The following EIF2S2 variants were observed in gnomAD, a reference collection of about 807,000 sequenced individuals.
EIF2S2 encodes eukaryotic translation initiation factor 2 subunit 2.
In EIF2S2, 4 loss-of-function variants were observed where a neutral mutation model predicts 44.0. That is an observed-to-expected ratio of 0.09 (90% CI 0.04 to 0.21). The LOEUF is 0.21. EIF2S2 is among the 10% of genes least tolerant of loss of function. EIF2S2 has a pLI of 1.00. For synonymous variants in EIF2S2, 108 were observed against 128.3 expected, an observed-to-expected ratio of 0.84 and a Z score of 1.07; for missense variants, 154 against 392.0, an observed-to-expected ratio of 0.39 and a Z score of 5.13.
intron 3 of EIF2S2, among the ~76,000 whole-genome samples, 189 bp downstream of exon 3, chr20:34,103,273 T>C (rs1169285975): frequency 6.6e-6 from 1 of 152,156 alleles, no homozygotes; most frequent in Non-Finnish European, 1.5e-5. Flanking sequence ...TAAATTTAAA[T>C]TCCTTGAACC....
intron 7 of EIF2S2, among the ~76,000 whole-genome samples, chr20:34,091,319 A>T (rs2034159698): frequency 6.6e-6 from 1 of 152,262 alleles, no homozygotes. Context: ...TCTAAGCACC[A>T]AATATTTTGA....
chr20:34,097,593 AAG>A, intron 4 of EIF2S2, 77 bp from the exon 5 acceptor site: 1 of 1,094,976 alleles, frequency 9.1e-7, no homozygotes, highest in Non-Finnish European at 1.3e-6. Flanking sequence ...TAGAGAAATG[AAG>A]AGTTTCAAAG....
At chr20:34,102,483 T>C (rs1343939099) in intron 3 of EIF2S2, among the ~76,000 whole-genome samples, 1 of 152,244 alleles carries the variant, frequency 6.6e-6, no homozygotes, top group East Asian at 1.9e-4. Flanking sequence ...CTTCAAAAGC[T>C]TGACTTGCTG....
chr20:34,106,210 G>A (rs191660298), intron 1 of EIF2S2, among the ~76,000 whole-genome samples: 3 of 151,910 alleles, frequency 2.0e-5, no homozygotes, highest in East Asian at 3.9e-4. Context: ...GTAAGCCACC[G>A]CACCTGGCCA....
intron 2 of EIF2S2, among the ~76,000 whole-genome samples, chr20:34,105,088 T>C (rs2034333430): frequency 6.6e-6 from 1 of 152,132 alleles, no homozygotes; most frequent in African/African-American, 2.4e-5. Context: ...CAAATACAAC[T>C]ACCATTAAAA....
At chr20:34,097,368 A>C (rs1415555107) in intron 5 of EIF2S2, 48 bp downstream of exon 5, 2 of 1,456,112 alleles carry the variant, frequency 1.4e-6, no homozygotes, top group African/African-American at 2.8e-5. Context: ...CTCTTCTTTG[A>C]GCACTAGTGA....
At chr20:34,106,303 C>T (rs532110935) in intron 1 of EIF2S2, among the ~76,000 whole-genome samples, 13 of 152,036 alleles carry the variant, frequency 8.6e-5, no homozygotes, top group Non-Finnish European at 1.8e-4. Context: ...ATTAAAAAAA[C>T]AAAATTTTTT....
intron 1 of EIF2S2, among the ~76,000 whole-genome samples, chr20:34,106,764 T>C (rs1215340462): frequency 3.3e-5 from 5 of 152,194 alleles, no homozygotes; most frequent in Non-Finnish European, 5.9e-5. Flanking sequence ...ATGTCCACTA[T>C]AGAGTAGGTG....
At chr20:34,100,831 A>T (rs1047562966) in intron 3 of EIF2S2, among the ~76,000 whole-genome samples, 1 of 152,152 alleles carries the variant, frequency 6.6e-6, no homozygotes, top group African/African-American at 2.4e-5. Context: ...AGAGGCATGG[A>T]TGTAAACAGG....
chr20:34,095,996 GATACAATCTC>G (rs1159786417), intron 6 of EIF2S2, among the ~76,000 whole-genome samples: 4 of 152,174 alleles, frequency 2.6e-5, no homozygotes, highest in Admixed American at 6.5e-5. Context: ...AATTAAGAAA[GATACAATCTC>G]ATCAATTGTG....
chr20:34,098,080 C>G (rs907886033), intron 4 of EIF2S2, among the ~76,000 whole-genome samples: 5 of 152,040 alleles, frequency 3.3e-5, no homozygotes, highest in African/African-American at 1.2e-4. Context: ...ACTCCCATCT[C>G]TACTAAAAAT....
intron 1 of EIF2S2, among the ~76,000 whole-genome samples, 171 bp downstream of exon 1, chr20:34,111,925 C>G (rs1252077941): frequency 2.0e-5 from 3 of 152,370 alleles, no homozygotes; most frequent in Admixed American, 2.0e-4. Context: ...GGGCTGCGGC[C>G]AAGCCTGCGG....
chr20:34,095,298 AGTT>A (rs2034213508), intron 6 of EIF2S2, among the ~76,000 whole-genome samples: 2 of 149,218 alleles, frequency 1.3e-5, no homozygotes, highest in African/African-American at 5.0e-5. Context: ...AACTATGATA[AGTT>A]AGCTACCTCT....
At chr20:34,090,704 C>T in intron 7 of EIF2S2, 102 bp from the exon 8 acceptor site, 1 of 652,188 alleles carries the variant, frequency 1.5e-6, no homozygotes. Flanking sequence ...TATTCAGTAG[C>T]ATAGGATAAA....
chr20:34,109,619 C>A (rs2034388258), intron 1 of EIF2S2, among the ~76,000 whole-genome samples: 1 of 151,826 alleles, frequency 6.6e-6, no homozygotes, highest in Admixed American at 6.6e-5. Context: ...ATGATTGTGC[C>A]ACCGCACTCC....
In EIF2S2 at chr20:34,096,651, A is replaced by C; in HGVS notation, c.683+6T>G. 6.3e-7 allele frequency: 1 copy of C among 1,593,582 alleles called. No individual in the cohort carries two copies. Among genetic ancestry groups the C allele is most frequent in the Non-Finnish European group, 8.5e-7 (1 of 1,173,614 alleles). ...TGGGATGAAGGTACTCCATTAACCAACTTACAGTTTACAGATATCTGTAAA... is the reference window on the plus strand; with the variant it reads ...TGGGATGAAGGTACTCCATTAACCACCTTACAGTTTACAGATATCTGTAAA... On this transcript the variant is annotated splice_donor_region_variant and intron_variant, in intron 6 of 8. Transcript: ENST00000374980.
At chr20:34,099,472 GAT>G (rs1369067037) in intron 3 of EIF2S2, among the ~76,000 whole-genome samples, 1 of 152,160 alleles carries the variant, frequency 6.6e-6, no homozygotes, top group Non-Finnish European at 1.5e-5. Flanking sequence ...AAGTGATTTT[GAT>G]ATAGTCATTG....
At chr20:34,109,737 T>C (rs1185873182) in intron 1 of EIF2S2, among the ~76,000 whole-genome samples, 1 of 151,810 alleles carries the variant, frequency 6.6e-6, no homozygotes, top group Non-Finnish European at 1.5e-5. Flanking sequence ...TTTTGGCAAG[T>C]TTCTGGCTTA....
Position 34,112,141 on chromosome 20 carries a change from G to A in EIF2S2, c.-31C>T. 11 of 1,538,488 alleles carry A rather than the reference G, an allele frequency of 7.1e-6. No homozygotes were observed. Among genetic ancestry groups the A allele is most frequent in the Non-Finnish European group, 9.7e-6 (11 of 1,139,342 alleles). ...CGGCTCGAGTGGGCTCGGCACGGAC[G>A]GGAAGTCAGACGGGTCAGCCCCAGG... On this transcript the variant is annotated 5_prime_UTR_variant, in exon 1 of 9. Transcript: ENST00000374980.
Sources: gnomAD v4.1 joint callset for allele counts (sites outside exome capture counted in the v4.1 genomes callset) on GRCh38, gnomAD v4.1.1 for gene constraint, MANE v1.5 for transcripts, NCBI Gene and HGNC (gene_info 2026-07-23, HGNC 2026-07-21) for gene names.